The following SLC44A5 variants were observed in gnomAD, a reference collection of about 807,000 sequenced individuals.
SLC44A5 encodes the protein solute carrier family 44 member 5.
A neutral mutation model predicts 101.8 loss-of-function variants in SLC44A5; 57 were observed. The observed-to-expected ratio is 0.56, with a 90% CI of 0.45 to 0.70. SLC44A5 has a LOEUF of 0.70. Ranked by LOEUF, SLC44A5 falls within the 30% of genes least tolerant of loss-of-function variation. SLC44A5 has a pLI of 0.00. For synonymous variants in SLC44A5, 281 were observed against 290.9 expected (o/e 0.97, Z 0.35); for missense variants, 737 against 853.1 (o/e 0.86, Z 1.70).
chr1:75,591,504 T>C (rs991629952), intron 1 of SLC44A5, among the ~76,000 whole-genome samples: 1 of 152,212 alleles, frequency 6.6e-6, no homozygotes, highest in Admixed American at 6.5e-5. Context: ...AGGGATATTG[T>C]TCTGTAGTTT....
intron 3 of SLC44A5, among the ~76,000 whole-genome samples, chr1:75,340,754 CCAGGAATTT>C (rs1250652192): frequency 3.9e-5 from 6 of 152,086 alleles, no homozygotes; most frequent in Admixed American, 2.0e-4. Context: ...ATTCTCAATC[CCAGGAATTT>C]AGAATTAGAA....
At chr1:75,515,067 C>A (rs761935941) in intron 2 of SLC44A5, among the ~76,000 whole-genome samples, 30 of 152,138 alleles carry the variant, frequency 2.0e-4, no homozygotes, top group Admixed American at 3.9e-4. Context: ...TGCAGTTCAG[C>A]TTATCATTCT....
chr1:75,569,490 C>T (rs1306227666), intron 1 of SLC44A5, among the ~76,000 whole-genome samples: 2 of 152,248 alleles, frequency 1.3e-5, no homozygotes, highest in South Asian at 2.1e-4. Context: ...TATCTGCCCT[C>T]ATAGGCCTCA....
intron 2 of SLC44A5, among the ~76,000 whole-genome samples, chr1:75,530,882 A>G (rs114731939): frequency 6.6e-6 from 1 of 152,180 alleles, no homozygotes; most frequent in African/African-American, 2.4e-5. Context: ...TAGGTCACAT[A>G]CCTGGACCAG....
chr1:75,539,420 G>A (rs1671229901), intron 2 of SLC44A5, among the ~76,000 whole-genome samples: 1 of 151,030 alleles, frequency 6.6e-6, no homozygotes, highest in Non-Finnish European at 1.5e-5. Context: ...GTTTTCTATT[G>A]ATAGTGGTGG....
chr1:75,210,212 A>AATTTATTT (rs145757681), intron 23 of SLC44A5, among the ~76,000 whole-genome samples: 1 of 151,184 alleles, frequency 6.6e-6, no homozygotes, highest in Admixed American at 6.6e-5. Flanking sequence ...GTGCCTGGCT[A>AATTTATTT]ATTTATTTAT....
chr1:75,560,979 A>C (rs1349754998), intron 1 of SLC44A5, among the ~76,000 whole-genome samples: 7 of 152,186 alleles, frequency 4.6e-5, no homozygotes, highest in Non-Finnish European at 7.4e-5. Flanking sequence ...CCTAATAATA[A>C]GGTTAAAAAC....
the SLC44A5 span, among the ~76,000 whole-genome samples, chr1:75,658,248 A>C: frequency 6.6e-6 from 1 of 151,428 alleles, no homozygotes; most frequent in African/African-American, 2.4e-5. Context: ...TAATTTTTCT[A>C]TTTTTTTTGT....
At chr1:75,247,330 T>C (rs1042315450) in intron 7 of SLC44A5, among the ~76,000 whole-genome samples, 1 of 152,006 alleles carries the variant, frequency 6.6e-6, no homozygotes, top group Admixed American at 6.6e-5. Context: ...AGGGAATACA[T>C]TGGGGTGGGG....
chr1:75,641,930 T>C, the SLC44A5 span: 4 of 1,606,160 alleles, frequency 2.5e-6, no homozygotes, highest in Middle Eastern at 3.9e-4. Flanking sequence ...TTTGGATTTC[T>C]TTGCCATGGA....
chr1:75,695,777 G>C, the SLC44A5 span, among the ~76,000 whole-genome samples: 1 of 147,454 alleles, frequency 6.8e-6, no homozygotes. Context: ...AAATAAAATA[G>C]TATTCATGAT....
At chr1:75,597,271 T>A (rs1674695471) in intron 1 of SLC44A5, among the ~76,000 whole-genome samples, 1 of 151,010 alleles carries the variant, frequency 6.6e-6, no homozygotes, top group Admixed American at 6.6e-5. Context: ...CAAGTAGAAC[T>A]ACAAAACACT....
upstream of SLC44A5, chr1:75,615,825 G>A: frequency 3.1e-6 from 3 of 982,692 alleles, no homozygotes; most frequent in South Asian, 4.7e-5. Context: ...GAGGGGAGGC[G>A]GCGAGGGGAG....
At chr1:75,663,381 CA>C in the SLC44A5 span, among the ~76,000 whole-genome samples, 1 of 152,098 alleles carries the variant, frequency 6.6e-6, no homozygotes, top group Admixed American at 6.6e-5. Context: ...TAACAGAATC[CA>C]AATATACTGG....
At chr1:75,684,685 C>T in the SLC44A5 span, among the ~76,000 whole-genome samples, 1 of 152,194 alleles carries the variant, frequency 6.6e-6, no homozygotes, top group South Asian at 2.1e-4. Context: ...GAGGTGGGTT[C>T]CCATGGTCTT....
At chr1:75,673,297 GGTCGGGGGTGTGA>G in the SLC44A5 span, among the ~76,000 whole-genome samples, 1 of 151,894 alleles carries the variant, frequency 6.6e-6, no homozygotes, top group Admixed American at 6.6e-5. Context: ...ACTTGCTGTG[GGTCGGGGGTGTGA>G]TGACCACAAG....
rs1553152601 is a variant in SLC44A5, at chr1:75,271,497, T to TTTTTTTTTTTTTTTTTG, written c.260+3460_260+3461insCAAAAAAAAAAAAAAAA. On this transcript the variant is annotated intron_variant, in intron 6 of 23. Transcript: ENST00000370859. ...AGTCCATTATATCACTCTGCATGTT[T>TTTTTTTTTTTTTTTTTG]TGTGTGTGTGTGTGTGTGTGTGTGT... Among the ~76,000 whole-genome samples, 268 of 146,366 alleles carry TTTTTTTTTTTTTTTTTG rather than the reference T, an allele frequency of 1.8e-3. 3 individuals are homozygous for TTTTTTTTTTTTTTTTTG. The highest frequency in any genetic ancestry group is 6.5e-3 in the African/African-American group (257 of 39,332).
intron 1 of SLC44A5, among the ~76,000 whole-genome samples, chr1:75,578,723 T>C (rs1463449720): frequency 5.9e-5 from 9 of 152,126 alleles, no homozygotes. Flanking sequence ...TTGTACAACA[T>C]AGTAAAACAT....
chr1:75,590,341 G>GA (rs1278282984), intron 1 of SLC44A5, among the ~76,000 whole-genome samples: 1 of 151,984 alleles, frequency 6.6e-6, no homozygotes, highest in African/African-American at 2.4e-5. Flanking sequence ...TGCCTTAATG[G>GA]AAAAAATCCA....
Sources: gnomAD v4.1 joint callset for allele counts (sites outside exome capture counted in the v4.1 genomes callset) on GRCh38, gnomAD v4.1.1 for gene constraint, MANE v1.5 for transcripts, NCBI Gene and HGNC (gene_info 2026-07-23, HGNC 2026-07-21) for gene names.